KIAA1217: variants seen among roughly 807,000 people sequenced by gnomAD.
The protein encoded by KIAA1217 is KIAA1217.
KIAA1217 carries 88 observed loss-of-function variants against 163.9 expected under a neutral mutation model. The observed-to-expected ratio is 0.54, with a 90% CI of 0.45 to 0.64. The LOEUF (loss-of-function observed/expected upper bound fraction) is 0.64. KIAA1217 is among the 30% of genes least tolerant of loss of function. The probability of loss-of-function intolerance (pLI) is 0.00; values close to 1 mark genes in which losing one functional copy is unlikely to be tolerated. For synonymous variants in KIAA1217, 903 were observed against 923.1 expected (o/e 0.98, Z 0.39); for missense variants, 2,372 against 2,475.0 (o/e 0.96, Z 0.88).
At chr10:24,443,532 C>T (rs2060671842) in intron 5 of KIAA1217, among the ~76,000 whole-genome samples, 1 of 151,756 alleles carries the variant, frequency 6.6e-6, no homozygotes, top group Admixed American at 6.6e-5. Context: ...GAACAATTGT[C>T]TAATTCCTTC....
chr10:24,505,397 C>A (rs778993310), intron 9 of KIAA1217, among the ~76,000 whole-genome samples: 8 of 151,824 alleles, frequency 5.3e-5, no homozygotes, highest in Non-Finnish European at 7.4e-5. Flanking sequence ...AACAGATGTT[C>A]TCCTCCAATG....
At chr10:23,973,439 G>A (rs1222027006) in intron 1 of KIAA1217, among the ~76,000 whole-genome samples, 1 of 152,176 alleles carries the variant, frequency 6.6e-6, no homozygotes, top group Non-Finnish European at 1.5e-5. Context: ...TGGTAGAGCT[G>A]GGATTCAGAA....
At chr10:24,041,670 T>C (rs1364927104) in intron 2 of KIAA1217, among the ~76,000 whole-genome samples, 1 of 152,190 alleles carries the variant, frequency 6.6e-6, no homozygotes, top group Admixed American at 6.5e-5. Context: ...CATGGTGCTG[T>C]GCCTGTTCTG....
At chr10:23,736,520 TG>T (rs929135315) in intron 1 of KIAA1217, among the ~76,000 whole-genome samples, 18 of 151,814 alleles carry the variant, frequency 1.2e-4, no homozygotes, top group African/African-American at 4.4e-4. Flanking sequence ...TGTGATAAGT[TG>T]TTGTTTTTTA....
chr10:23,887,197 T>G (rs1841214920), intron 1 of KIAA1217, among the ~76,000 whole-genome samples: 2 of 151,928 alleles, frequency 1.3e-5, no homozygotes. Context: ...CTAACAATAT[T>G]GATGATCATA....
chr10:24,356,264 T>C (rs2049089255), intron 2 of KIAA1217, among the ~76,000 whole-genome samples: 1 of 152,184 alleles, frequency 6.6e-6, no homozygotes, highest in Non-Finnish European at 1.5e-5. Context: ...GATGCAGAAA[T>C]TGAGGGTCAT....
chr10:24,346,008 T>C (rs954301582), intron 2 of KIAA1217, among the ~76,000 whole-genome samples: 2 of 152,152 alleles, frequency 1.3e-5, no homozygotes, highest in Admixed American at 6.5e-5. Flanking sequence ...TTCTACTTTC[T>C]GTCTCTGTGA....
intron 13 of KIAA1217, among the ~76,000 whole-genome samples, chr10:24,526,078 T>G (rs1389971849): frequency 2.0e-5 from 3 of 152,210 alleles, no homozygotes; most frequent in African/African-American, 7.2e-5. Context: ...CACATTTGTC[T>G]TTTCTACTTC....
At chr10:23,803,281 G>A (rs560182318) in intron 1 of KIAA1217, among the ~76,000 whole-genome samples, 66 of 152,318 alleles carry the variant, frequency 4.3e-4, no homozygotes, top group African/African-American at 1.6e-3. Context: ...CAGTCCTGAG[G>A]AACATATTTC....
Position 23,880,567 on chromosome 10 carries a change from A to T in KIAA1217, c.-320-126658A>T, listed in dbSNP as rs115554970. 5.1e-3 allele frequency among the ~76,000 whole-genome samples: 772 copies of T among 152,054 alleles called. 7 individuals are homozygous for T. The highest frequency in any genetic ancestry group is 0.018 in the African/African-American group (750 of 41,518). ...AAATCAGGGTGACTATAGTAAAAAA[A>T]ATTTAATTGTTCATTGAAAAATAAC... is the stretch of plus-strand genomic sequence containing the variant. On this transcript the variant is annotated intron_variant, in intron 1 of 18. Transcript: ENST00000376462.
intron 1 of KIAA1217, among the ~76,000 whole-genome samples, chr10:23,858,000 C>G (rs114253962): frequency 0.01 from 1,510 of 150,246 alleles, 28 homozygotes; most frequent in African/African-American, 0.035. Flanking sequence ...AAGTAGGAGA[C>G]AGCAGCTGGG....
chr10:24,495,925 T>C (rs965539772), intron 8 of KIAA1217, among the ~76,000 whole-genome samples: 1 of 152,258 alleles, frequency 6.6e-6, no homozygotes, highest in Non-Finnish European at 1.5e-5. Context: ...CTGTTAGTAG[T>C]GGCGTTCACT....
rs1157431862 is a variant in KIAA1217, at chr10:23,895,908, C to T, written c.-320-111317C>T. Among the ~76,000 whole-genome samples the T allele has an allele frequency of 6.1e-5, 9 of 148,060 alleles. No individual in the cohort carries two copies. In the South Asian group the frequency reaches 6.4e-4, roughly 10 times the overall value. On this transcript the variant is annotated intron_variant, in intron 1 of 18. Coordinates refer to the KIAA1217 transcript ENST00000376462. The stretch of plus-strand genomic sequence containing the variant: ...ATCGCAAGAACAAAAAACCAAACAC[C>T]GCATATTCTCACTCGTAGGTGGGAA...
intron 2 of KIAA1217, among the ~76,000 whole-genome samples, chr10:24,324,883 A>G (rs567147530): frequency 2.0e-5 from 3 of 152,232 alleles, no homozygotes; most frequent in Non-Finnish European, 4.4e-5. Context: ...ACAATGCTCA[A>G]TCTTGCCCCT....
intron 2 of KIAA1217, among the ~76,000 whole-genome samples, chr10:24,075,625 A>G (rs1037169683): frequency 1.4e-5 from 2 of 142,552 alleles, no homozygotes; most frequent in Non-Finnish European, 3.0e-5. Context: ...TTTTTTTGAG[A>G]TGGAGTCTTG....
At chr10:23,873,329 C>A (rs966910635) in intron 1 of KIAA1217, among the ~76,000 whole-genome samples, 1 of 151,890 alleles carries the variant, frequency 6.6e-6, no homozygotes, top group African/African-American at 2.4e-5. Context: ...ATATTCTTTA[C>A]CAATAATTCA....
intron 6 of KIAA1217, among the ~76,000 whole-genome samples, chr10:24,493,109 G>A (rs2066356249): frequency 6.6e-6 from 1 of 152,202 alleles, no homozygotes; most frequent in African/African-American, 2.4e-5. Flanking sequence ...GCCTCCCAAA[G>A]TGCTGGAATT....
At chr10:24,124,996 G>A (rs745545749) in intron 2 of KIAA1217, among the ~76,000 whole-genome samples, 10 of 152,200 alleles carry the variant, frequency 6.6e-5, no homozygotes, top group Admixed American at 3.3e-4. Context: ...TTTGTTGGCC[G>A]GGTGCAGTGG....
intron 2 of KIAA1217, among the ~76,000 whole-genome samples, chr10:24,106,903 T>G (rs1268175207): frequency 6.6e-6 from 1 of 152,190 alleles, no homozygotes; most frequent in Admixed American, 6.5e-5. Flanking sequence ...AACTTTTAGG[T>G]TCAGGGGTAC....
Sources: allele counts gnomAD v4.1 joint callset (sites outside exome capture counted in the v4.1 genomes callset), GRCh38; gene constraint gnomAD v4.1.1; transcripts MANE v1.5; gene names NCBI Gene and HGNC (gene_info 2026-07-23, HGNC 2026-07-21).